TEX14: variants seen among roughly 807,000 people sequenced by gnomAD.
TEX14 encodes testis expressed 14, intercellular bridge forming factor.
In TEX14, 168 loss-of-function variants were observed where a neutral mutation model predicts 178.6. That is an observed-to-expected ratio of 0.94 (90% CI 0.83 to 1.07). The LOEUF is 1.07. Among genes scored for constraint, TEX14 ranks in the 50% least tolerant of loss-of-function variants. TEX14 has a pLI of 0.00. For missense variants in TEX14, 1,730 were observed against 1,753.6 expected, an observed-to-expected ratio of 0.99 and a Z score of 0.24; for synonymous variants, 626 against 634.1, an observed-to-expected ratio of 0.99 and a Z score of 0.19.
intron 1 of TEX14, among the ~76,000 whole-genome samples, chr17:58,663,538 C>A (rs904232529): frequency 1.2e-4 from 18 of 151,012 alleles, no homozygotes; most frequent in African/African-American, 4.4e-4. Context: ...ATGATCTTGG[C>A]TCACGGCAAC....
chr17:58,582,105 T>C (rs547279918), intron 19 of TEX14, among the ~76,000 whole-genome samples: 17 of 152,216 alleles, frequency 1.1e-4, no homozygotes, highest in Admixed American at 3.3e-4. Flanking sequence ...ATAGCCCATG[T>C]GTTGGCATCA....
At chr17:58,559,309 A>C (rs568348953) in intron 30 of TEX14, 144 bp downstream of exon 30, 13 of 519,292 alleles carry the variant, frequency 2.5e-5, no homozygotes, top group Non-Finnish European at 3.7e-5. Flanking sequence ...ATTAACAGAA[A>C]ACCTGAGCTG....
At position 58,651,877 on chromosome 17, in the gene TEX14, A is replaced by C. The variant is rs1426277378; in HGVS notation, c.125T>G (p.Ile42Ser). Residue 42 changes from isoleucine (I) to serine (S), a missense_variant, in exon 2 of 32, where the codon ATT becomes AGT. Transcript: ENST00000349033. ...KQGNYVKVKK[I>S]LKKGIYVDAV... is the part of the protein sequence containing the mutation. The stretch of plus-strand genomic sequence containing the variant: ...AACATGGTGCTTACCTTTCTTAAGA[A>C]TTTTCTTCACTTTCACATAGTTCCC... The C allele has an allele frequency of 6.2e-7, 1 of 1,606,094 alleles. No individual in the cohort carries two copies. The highest frequency in any genetic ancestry group is 1.1e-5 in the South Asian group (1 of 89,132).
chr17:58,654,826 C>A lies in TEX14; in HGVS notation c.-1-2824G>T, dbSNP rs28545396. Reference sequence around the variant, plus strand: ...CTGGCCAATAAACTCCCTTCTTTCCCAGTCTGGATCTCATTATTGGACTGT... The same window carrying A: ...CTGGCCAATAAACTCCCTTCTTTCCAAGTCTGGATCTCATTATTGGACTGT... On this transcript the variant is annotated intron_variant, in intron 1 of 31. Coordinates refer to ENST00000349033, the MANE Select transcript of TEX14 (RefSeq NM_031272.5). 9.0e-4 allele frequency among the ~76,000 whole-genome samples: 136 copies of A among 151,742 alleles called. 1 individual carries two copies. The highest frequency in any genetic ancestry group is 3.2e-3 in the African/African-American group (133 of 41,352).
intron 3 of TEX14, among the ~76,000 whole-genome samples, chr17:58,629,743 G>A (rs1361583455): frequency 4.0e-5 from 6 of 151,060 alleles, no homozygotes; most frequent in Non-Finnish European, 8.8e-5. Context: ...GCTGAGGCAG[G>A]AGAATGGCGT....
Position 58,621,664 on chromosome 17 carries a change from C to G in TEX14, c.540G>C (p.Gly180=). The part of the protein sequence containing the change: ...QRLVYSPSWC[G]GLVQGNPNGS... Reference sequence around the variant, plus strand: ...GCAGTACTCACCCCTGCACGAGGCCCCCACACCAGGACGGGCTGTAGACAA... The same window carrying G: ...GCAGTACTCACCCCTGCACGAGGCCGCCACACCAGGACGGGCTGTAGACAA... Residue 180 remains glycine, a synonymous_variant, in exon 5 of 32, where the codon GGG becomes GGC. Coordinates refer to ENST00000349033, the MANE Select transcript of TEX14 (RefSeq NM_031272.5). 1 of 1,613,716 alleles carries G rather than the reference C, an allele frequency of 6.2e-7. No individual in the cohort carries two copies. Among genetic ancestry groups the G allele is most frequent in the South Asian group, 1.1e-5 (1 of 91,052 alleles).
intron 3 of TEX14, among the ~76,000 whole-genome samples, chr17:58,627,099 T>A (rs1254131717): frequency 6.6e-6 from 1 of 152,112 alleles, no homozygotes; most frequent in Non-Finnish European, 1.5e-5. Context: ...GCATTACAAG[T>A]GTCCTTCCTG....
At chr17:58,684,705 A>G (rs2047562853) in intron 1 of TEX14, among the ~76,000 whole-genome samples, 1 of 151,944 alleles carries the variant, frequency 6.6e-6, no homozygotes, top group African/African-American at 2.4e-5. Context: ...CCTACCACTT[A>G]TTTTTTAAAA....
At chr17:58,687,477 C>T (rs1452450439) in intron 1 of TEX14, among the ~76,000 whole-genome samples, 5 of 151,950 alleles carry the variant, frequency 3.3e-5, no homozygotes, top group Admixed American at 6.6e-5. Flanking sequence ...GCAACAGAAT[C>T]GGGTGCTCTA....
chr17:58,661,545 C>T (rs745843784), intron 1 of TEX14: 1 of 773,350 alleles, frequency 1.3e-6, no homozygotes, highest in Non-Finnish European at 2.4e-6. Flanking sequence ...TTGCTGGAAT[C>T]GAACAGCTCG....
intron 2 of TEX14, among the ~76,000 whole-genome samples, chr17:58,646,090 C>A (rs1417330708): frequency 1.3e-5 from 2 of 151,912 alleles, no homozygotes; most frequent in African/African-American, 4.8e-5. Flanking sequence ...TTGGTTGAAT[C>A]CACAAATGTG....
At chr17:58,637,946 C>T (rs1342436955) in intron 2 of TEX14, among the ~76,000 whole-genome samples, 3 of 150,948 alleles carry the variant, frequency 2.0e-5, no homozygotes, top group Non-Finnish European at 4.4e-5. Context: ...ACTGCAACCT[C>T]TGCCTCCCAG....
chr17:58,561,705 T>G, intron 28 of TEX14, 93 bp from the exon 29 acceptor site: 1 of 820,282 alleles, frequency 1.2e-6, no homozygotes. Context: ...AAAGGGACCT[T>G]AAAACCTGTG....
At chr17:58,630,376 T>G in intron 3 of TEX14, 64 bp downstream of exon 3, 1 of 1,301,386 alleles carries the variant, frequency 7.7e-7, no homozygotes, top group Non-Finnish European at 1.1e-6. Context: ...CTAATTAGTT[T>G]CTAAACAAAC....
At chr17:58,614,353 A>G (rs2045820795) in intron 8 of TEX14, among the ~76,000 whole-genome samples, 1 of 150,804 alleles carries the variant, frequency 6.6e-6, no homozygotes, top group Non-Finnish European at 1.5e-5. Context: ...AGCCAGGTGT[A>G]GTGGCGCACG....
rs182002334 is a variant in TEX14, at chr17:58,584,726, G to A, written c.3071-126C>T. 252 of 739,828 alleles carry A rather than the reference G, an allele frequency of 3.4e-4. 1 individual carries two copies. The East Asian group carries it at 6.0e-3, about 18-fold the overall frequency. The allele number at this position is 739,828 out of a possible 1,614,324, so 45.8% of individuals were successfully genotyped here. A position where few individuals can be genotyped will look rare whatever the true frequency, so the allele number is the denominator to read the frequency against. On this transcript the variant is annotated intron_variant, in intron 18 of 31. Coordinates refer to ENST00000349033, the MANE Select transcript of TEX14 (RefSeq NM_031272.5). ...TGCCAAGAGTGGCCATGTCCCATAC[G>A]TTAGGTTCAGTCCAGAGAGTAGAGA...
intron 2 of TEX14, among the ~76,000 whole-genome samples, chr17:58,649,189 C>T (rs866008839): frequency 1.9e-4 from 29 of 151,852 alleles, no homozygotes; most frequent in Middle Eastern, 6.8e-3. Flanking sequence ...AAGTGATTCT[C>T]CTGCCTCAGC....
In TEX14 at chr17:58,691,666, C is replaced by CAAAA. The variant is rs34546660; in HGVS notation, c.-2+269_-2+272dup. ...TGGGCAACACAGTGAGACTCTGTCT[C>CAAAA]AAAAAAAAAAAAAAAAAAATCGCCA... On this transcript the variant is annotated intron_variant, in intron 1 of 31. Coordinates refer to ENST00000349033, the MANE Select transcript of TEX14 (RefSeq NM_031272.5). Among the ~76,000 whole-genome samples, 25 of 107,046 alleles carry CAAAA rather than the reference C, an allele frequency of 2.3e-4. 2 individuals carry two copies. The highest frequency in any genetic ancestry group is 4.7e-4 in the African/African-American group (13 of 27,624). The allele number at this position is 107,046 out of a possible 152,430, so 70.2% of individuals were successfully genotyped here. A position where few individuals can be genotyped will look rare whatever the true frequency, so the allele number is the denominator to read the frequency against.
intron 2 of TEX14, among the ~76,000 whole-genome samples, chr17:58,636,964 C>T (rs570133848): frequency 3.3e-5 from 5 of 151,006 alleles, no homozygotes; most frequent in East Asian, 2.0e-4. Flanking sequence ...TGGTGGCTCA[C>T]GCCTGTAATC....
Sources: gnomAD v4.1 joint callset for allele counts (sites outside exome capture counted in the v4.1 genomes callset) on GRCh38, gnomAD v4.1.1 for gene constraint, MANE v1.5 for transcripts, NCBI Gene and HGNC (gene_info 2026-07-23, HGNC 2026-07-21) for gene names.